TBCE: variants seen among roughly 807,000 people sequenced by gnomAD.
TBCE encodes the protein tubulin-specific chaperone E.
Under a neutral mutation model 77.0 loss-of-function variants are expected in TBCE, and 53 were observed. The observed-to-expected ratio is 0.69, with a 90% CI of 0.55 to 0.87. The LOEUF is 0.87. Ranked by LOEUF, TBCE falls within the 40% of genes least tolerant of loss-of-function variation. The pLI, the probability that TBCE is intolerant of heterozygous loss-of-function variation, is 0.00. For missense variants in TBCE, 624 were observed against 622.4 expected, an observed-to-expected ratio of 1.00 and a Z score of -0.03; for synonymous variants, 235 against 241.3, an observed-to-expected ratio of 0.97 and a Z score of 0.24.
At chr1:235,398,704 G>T (rs1294997331) in intron 2 of TBCE, among the ~76,000 whole-genome samples, 2 of 145,072 alleles carry the variant, frequency 1.4e-5, no homozygotes, top group Non-Finnish European at 1.5e-5. Flanking sequence ...CTGCCTCCTG[G>T]GTTGAAGCAG....
At chr1:235,436,024 A>G (rs911425793) in intron 9 of TBCE, 184 bp downstream of exon 9, 35 of 636,334 alleles carry the variant, frequency 5.5e-5, no homozygotes, top group Non-Finnish European at 8.8e-5. Context: ...TGAACCCTGT[A>G]TAATGTGGAC....
At chr1:235,397,603 A>G (rs1266253579) in intron 2 of TBCE, among the ~76,000 whole-genome samples, 1 of 152,202 alleles carries the variant, frequency 6.6e-6, no homozygotes, top group African/African-American at 2.4e-5. Context: ...GGGCCTGATT[A>G]TGATTGGCTT....
intron 1 of TBCE, among the ~76,000 whole-genome samples, chr1:235,379,785 C>T (rs887988804): frequency 3.5e-4 from 53 of 151,916 alleles, no homozygotes; most frequent in Admixed American, 1.7e-3. Flanking sequence ...CCCTTCTCTA[C>T]TGAAAATACA....
Position 235,401,463 on chromosome 1 carries a change from T to A in TBCE, c.101-40T>A, listed in dbSNP as rs371652265. The A allele has an allele frequency of 7.7e-6, 12 of 1,556,382 alleles. No individual in the cohort carries two copies. In the African/African-American group the frequency reaches 1.5e-4, roughly 19 times the overall value. On this transcript the variant is annotated intron_variant, in intron 2 of 16. Coordinates refer to ENST00000642610, the MANE Select transcript of TBCE (RefSeq NM_003193.5). ...GCAGAAAACTGGAGCATTGCCTGTA[T>A]CATCATCTGTTACTCATTTGGTTTT... is the stretch of plus-strand genomic sequence containing the variant.
chr1:235,421,312 G>A (rs1680388266), intron 5 of TBCE, among the ~76,000 whole-genome samples: 1 of 152,184 alleles, frequency 6.6e-6, no homozygotes, highest in Non-Finnish European at 1.5e-5. Context: ...CTACTCGGGA[G>A]GCTGAGGTGG....
chr1:235,385,741 A>G (rs573897746), intron 2 of TBCE, among the ~76,000 whole-genome samples: 9 of 152,272 alleles, frequency 5.9e-5, no homozygotes, highest in African/African-American at 1.9e-4. Context: ...TCCTGAATAC[A>G]GCACACTGAT....
chr1:235,415,561 T>C (rs1183419249), intron 4 of TBCE: 3 of 152,180 alleles, frequency 2.0e-5, no homozygotes, highest in African/African-American at 4.8e-5. Flanking sequence ...AGGCCTGCAA[T>C]ATATTTTCTT....
chr1:235,385,053 T>C (rs1340754020), intron 2 of TBCE, among the ~76,000 whole-genome samples: 3 of 152,222 alleles, frequency 2.0e-5, no homozygotes, highest in Admixed American at 2.0e-4. Flanking sequence ...CATCTTTATT[T>C]CTGTCTTCAT....
chr1:235,371,830 A>G (rs564213978), intron 1 of TBCE, among the ~76,000 whole-genome samples: 94 of 151,994 alleles, frequency 6.2e-4, no homozygotes, highest in African/African-American at 2.0e-3. Flanking sequence ...CCGCCAGCAT[A>G]CCCAGCTAAT....
At chr1:235,386,936 A>C (rs539394717) in intron 2 of TBCE, among the ~76,000 whole-genome samples, 1,686 of 151,860 alleles carry the variant, frequency 0.011, 61 homozygotes, top group Admixed American at 0.079. Context: ...GGTTTTATCT[A>C]CTTTTGGTCT....
intron 3 of TBCE, among the ~76,000 whole-genome samples, chr1:235,413,001 T>G (rs1197991172): frequency 6.6e-6 from 1 of 151,798 alleles, no homozygotes; most frequent in African/African-American, 2.4e-5. Context: ...TGGGGTTTCT[T>G]CATGTTGGTC....
chr1:235,415,232 A>T (rs540149717), intron 4 of TBCE: 1 of 153,924 alleles, frequency 6.5e-6, no homozygotes, highest in Non-Finnish European at 1.4e-5. Context: ...GGCTCAAGTG[A>T]TCCTTGGCTT....
At chr1:235,395,104 A>G (rs953658763) in intron 2 of TBCE, among the ~76,000 whole-genome samples, 3 of 152,212 alleles carry the variant, frequency 2.0e-5, no homozygotes, top group African/African-American at 7.2e-5. Flanking sequence ...GGTTTGGGGA[A>G]TTATGAGTAA....
intron 14 of TBCE, among the ~76,000 whole-genome samples, chr1:235,442,413 A>G (rs1482426640): frequency 1.3e-5 from 2 of 152,044 alleles, no homozygotes; most frequent in Non-Finnish European, 2.9e-5. Context: ...CAGGAGATCC[A>G]CCCGCCTCGG....
chr1:235,434,143 A>G, intron 7 of TBCE, 61 bp from the exon 8 acceptor site: 1 of 1,476,928 alleles, frequency 6.8e-7, no homozygotes, highest in Non-Finnish European at 9.5e-7. Flanking sequence ...GGTTCCTATG[A>G]ACACCCGGGA....
At chr1:235,436,082 A>G (rs1265910100) in intron 9 of TBCE, 1 of 603,774 alleles carries the variant, frequency 1.7e-6, no homozygotes, top group South Asian at 2.0e-5. Flanking sequence ...GACCCTGGTG[A>G]TAATGCGGAA....
intron 2 of TBCE, among the ~76,000 whole-genome samples, chr1:235,387,531 T>C (rs538930415): frequency 7.2e-4 from 109 of 152,338 alleles, no homozygotes; most frequent in African/African-American, 2.4e-3. Flanking sequence ...GCCGCGCTGC[T>C]GCCTTGCAGT....
At chr1:235,378,853 T>G (rs1677451707) in intron 1 of TBCE, among the ~76,000 whole-genome samples, 1 of 151,452 alleles carries the variant, frequency 6.6e-6, no homozygotes, top group African/African-American at 2.4e-5. Flanking sequence ...AGAGCGAGAC[T>G]CTGTCTCAAG....
Position 235,414,636 on chromosome 1 carries a change from C to T in TBCE, c.371+18C>T, listed in dbSNP as rs181184466. The T allele has an allele frequency of 5.2e-5, 84 of 1,611,716 alleles. No individual in the cohort carries two copies. The highest frequency in any genetic ancestry group is 2.7e-4 in the African/African-American group (20 of 74,980). ...CAGCAAAGGTAAGTGGAGTTTATAA[C>T]GGCAGAGCTGACTTTTATGGTTTTA... On this transcript the variant is annotated intron_variant, in intron 4 of 16. Transcript: ENST00000642610.
Sources: allele counts gnomAD v4.1 joint callset (sites outside exome capture counted in the v4.1 genomes callset), GRCh38; gene constraint gnomAD v4.1.1; transcripts MANE v1.5; gene names NCBI Gene and HGNC (gene_info 2026-07-23, HGNC 2026-07-21).